The following EVC variants were observed in gnomAD, a reference collection of about 807,000 sequenced individuals.
EVC encodes evC complex member EVC.
Under a neutral mutation model 118.9 loss-of-function variants are expected in EVC, and 116 were observed. The ratio of observed to expected loss-of-function variants is 0.98; its 90% confidence interval spans 0.84 to 1.14. The LOEUF (loss-of-function observed/expected upper bound fraction) is 1.14. EVC is among the 50% of genes most tolerant of loss of function. The pLI is 0.00. For synonymous variants in EVC, 619 were observed against 534.7 expected, an observed-to-expected ratio of 1.16 and a Z score of -2.18; for missense variants, 1,401 against 1,246.4, an observed-to-expected ratio of 1.12 and a Z score of -1.87.
chr4:5,808,033 G>T (rs2152386146), intron 17 of EVC, among the ~76,000 whole-genome samples, 168 bp from the exon 18 acceptor site: 1 of 152,176 alleles, frequency 6.6e-6, no homozygotes, highest in African/African-American at 2.4e-5. Flanking sequence ...GAGGCAGCCT[G>T]CCTGTGGGGA....
chr4:5,729,529 T>C (rs1726446236), intron 3 of EVC, 139 bp downstream of exon 3: 3 of 850,306 alleles, frequency 3.5e-6, no homozygotes, highest in Non-Finnish European at 5.9e-6. Flanking sequence ...GTAGGGATAG[T>C]TTTGAGGCTC....
rs1194031378 is a variant in EVC, at chr4:5,737,525, T to C, written c.702+4090T>C. On this transcript the variant is annotated intron_variant, in intron 5 of 20. Coordinates refer to ENST00000264956, the MANE Select transcript of EVC (RefSeq NM_153717.3). The surrounding 1 kb of genome is among the most constrained non-coding windows in gnomAD (Gnocchi z 5.0). ...GGCTTCAAAGCTTCAAAGAACAGGC[T>C]GACTCTCTCGCTAGGGGCTAATGCG... 1.3e-5 allele frequency among the ~76,000 whole-genome samples: 2 copies of C among 152,232 alleles called. No individual in the cohort carries two copies. Among genetic ancestry groups the C allele is most frequent in the Non-Finnish European group, 2.9e-5 (2 of 68,048 alleles).
In EVC at chr4:5,771,485, G is replaced by A. The variant is rs756077412; in HGVS notation, c.1564-12067G>A. On this transcript the variant is annotated intron_variant, in intron 11 of 20. Transcript: ENST00000264956. ...GGATCCTTAACTCAGTCCCACCTGC[G>A]AAGTCTCTTTACCATGTAAAGTTCC... Among the ~76,000 whole-genome samples the A allele has an allele frequency of 8.5e-5, 13 of 152,260 alleles. No individual in the cohort carries two copies. The East Asian group carries it at 9.6e-4, about 11-fold the overall frequency.
At chr4:5,796,450 G>C (rs768722958) in intron 13 of EVC, among the ~76,000 whole-genome samples, 2 of 152,030 alleles carry the variant, frequency 1.3e-5, no homozygotes, top group Non-Finnish European at 2.9e-5. Context: ...CGGATGGTGG[G>C]AGATTCACTC....
Position 5,804,591 on chromosome 4 carries a change from C to A in EVC, c.2450-139C>A, listed in dbSNP as rs935365731. The A allele has an allele frequency of 6.8e-6, 5 of 738,070 alleles. No homozygotes were observed. In the Admixed American group the frequency reaches 1.0e-4, roughly 15 times the overall value. 45.7% of individuals were successfully genotyped at this position (738,070 alleles called of 1,614,324 possible). The stretch of plus-strand genomic sequence containing the variant: ...CTGTGTTGTTTGTGCACACAATGCC[C>A]TGTCCCTGTGCTGGTGGAAGGATAC... On this transcript the variant is annotated intron_variant, in intron 16 of 20. Coordinates refer to ENST00000264956, the MANE Select transcript of EVC (RefSeq NM_153717.3).
Position 5,749,455 on chromosome 4 carries a change from G to T in EVC, c.1098+1149G>T, listed in dbSNP as rs558576987. 6.6e-6 allele frequency among the ~76,000 whole-genome samples: 1 copy of T among 152,116 alleles called. No homozygotes were observed. Among genetic ancestry groups the T allele is most frequent in the Non-Finnish European group, 1.5e-5 (1 of 67,996 alleles). On this transcript the variant is annotated intron_variant, in intron 8 of 20. Coordinates refer to ENST00000264956, the MANE Select transcript of EVC (RefSeq NM_153717.3). The surrounding 1 kb of genome is among the most constrained non-coding windows in gnomAD (Gnocchi z 4.4). ...GGACACCCGTGGGAGAGAAATCTGC[G>T]AATCCAGCTTTGACTCTGGGCTCTG...
Position 5,736,082 on chromosome 4 carries a change from G to A in EVC, c.702+2647G>A, listed in dbSNP as rs75504258. The stretch of plus-strand genomic sequence containing the variant: ...CCCTGAGGAGGAAGAAACTGGCTCT[G>A]GGCTTGTCCAAGAGGCAGGAGAAGC... On this transcript the variant is annotated intron_variant, in intron 5 of 20. Transcript: ENST00000264956. 5.0e-3 allele frequency among the ~76,000 whole-genome samples: 763 copies of A among 152,256 alleles called. 5 individuals carry two copies. Among genetic ancestry groups the A allele is most frequent in the African/African-American group, 0.017 (695 of 41,538 alleles).
At chr4:5,807,336 G>A (rs986325164) in intron 17 of EVC, among the ~76,000 whole-genome samples, 1 of 152,226 alleles carries the variant, frequency 6.6e-6, no homozygotes, top group African/African-American at 2.4e-5. Flanking sequence ...CAAAAACAGA[G>A]AGGAAAGGTG....
intron 11 of EVC, among the ~76,000 whole-genome samples, chr4:5,769,352 A>C (rs899541843): frequency 2.0e-5 from 3 of 152,188 alleles, no homozygotes; most frequent in Non-Finnish European, 4.4e-5. Context: ...CCACTGGGCC[A>C]GTCCCATGAC....
chr4:5,820,582 C>G, the EVC span, among the ~76,000 whole-genome samples: 1 of 152,200 alleles, frequency 6.6e-6, no homozygotes, highest in Non-Finnish European at 1.5e-5. Flanking sequence ...CGTCTTCCCT[C>G]TCTTCGCCTC....
At chr4:5,815,388 C>T (rs1163450644), downstream of EVC, among the ~76,000 whole-genome samples, 1 of 152,176 alleles carries the variant, frequency 6.6e-6, no homozygotes, top group East Asian at 1.9e-4. Flanking sequence ...ACGTGCATGG[C>T]ATGGGGAATT....
intron 2 of EVC, among the ~76,000 whole-genome samples, chr4:5,728,194 G>C (rs368637115): frequency 2.8e-4 from 42 of 152,106 alleles, no homozygotes; most frequent in African/African-American, 9.2e-4. Flanking sequence ...ACTGATTCTT[G>C]CTACCCATGA....
At chr4:5,816,589 T>G (rs59279354), downstream of EVC, among the ~76,000 whole-genome samples, 4,894 of 117,556 alleles carry the variant, frequency 0.042, 277 homozygotes, top group African/African-American at 0.14. Flanking sequence ...CTCCCCTCCC[T>G]CCCTTCTTTC....
In EVC at chr4:5,727,859, G is replaced by A. The variant is rs535093542; in HGVS notation, c.301-1448G>A. On this transcript the variant is annotated intron_variant, in intron 2 of 20. Coordinates refer to ENST00000264956, the MANE Select transcript of EVC (RefSeq NM_153717.3). ...TTTCCGCATTGCTTGTTTTTCTCAG[G>A]TTTGTCAAAGATCAGATAGTTGTAG... 1.4e-3 allele frequency among the ~76,000 whole-genome samples: 204 copies of A among 140,722 alleles called. 1 individual carries two copies. Among genetic ancestry groups the A allele is most frequent in the African/African-American group, 5.2e-3 (194 of 37,460 alleles). The allele number at this position is 140,722 out of a possible 152,430, so 92.3% of individuals were successfully genotyped here.
At chr4:5,771,517 A>C (rs1733957469) in intron 11 of EVC, among the ~76,000 whole-genome samples, 1 of 152,214 alleles carries the variant, frequency 6.6e-6, no homozygotes, top group Non-Finnish European at 1.5e-5. Context: ...TTCCGTGCTC[A>C]AAGGTTCCAG....
chr4:5,810,232 C>G (rs1287713568), intron 19 of EVC, 107 bp from the exon 20 acceptor site: 24 of 841,978 alleles, frequency 2.9e-5, no homozygotes, highest in Non-Finnish European at 4.2e-5. Flanking sequence ...TACACTTGGC[C>G]CACACAACAT....
At chr4:5,808,151 C>T in intron 17 of EVC, 50 bp from the exon 18 acceptor site, 1 of 969,288 alleles carries the variant, frequency 1.0e-6, no homozygotes, top group Non-Finnish European at 1.6e-6. Flanking sequence ...CCCTCCCTCC[C>T]TCCCTCCCTT....
At chr4:5,828,493 T>G in the EVC span, 4 of 1,613,988 alleles carry the variant, frequency 2.5e-6, no homozygotes, top group Non-Finnish European at 3.4e-6. Flanking sequence ...ACTCACCTTA[T>G]TCCTGATTTT....
chr4:5,825,806 A>G, the EVC span: 1 of 739,962 alleles, frequency 1.4e-6, no homozygotes, highest in South Asian at 1.8e-5. The surrounding 1 kb of genome is among the most constrained non-coding windows in gnomAD (Gnocchi z 4.4). Flanking sequence ...CACACACGAC[A>G]GGTGCACTTC....
Sources: allele counts gnomAD v4.1 joint callset (sites outside exome capture counted in the v4.1 genomes callset), GRCh38; gene constraint gnomAD v4.1.1; non-coding constraint Gnocchi (gnomAD v3.1); transcripts MANE v1.5; gene names NCBI Gene and HGNC (gene_info 2026-07-23, HGNC 2026-07-21).